The following EYS variants were observed in gnomAD, a reference collection of about 807,000 sequenced individuals.
The protein encoded by EYS is EGF-like photoreceptor maintenance factor.
EYS carries 250 observed loss-of-function variants against 282.1 expected under a neutral mutation model. The ratio of observed to expected loss-of-function variants is 0.89; its 90% CI spans 0.80 to 0.98. EYS has a LOEUF of 0.98. EYS is among the 50% of genes least tolerant of loss of function. EYS has a pLI of 0.00. For missense variants in EYS, 4,016 were observed against 3,709.0 expected (o/e 1.08, Z -2.15); for synonymous variants, 1,355 against 1,282.9 (o/e 1.06, Z -1.20).
At chr6:64,582,893 C>T (rs1383784900) in intron 26 of EYS, among the ~76,000 whole-genome samples, 2 of 152,030 alleles carry the variant, frequency 1.3e-5, no homozygotes, top group African/African-American at 4.8e-5. Flanking sequence ...AAGAAAATGC[C>T]AGGATTTTAC....
intron 41 of EYS, among the ~76,000 whole-genome samples, chr6:63,752,564 C>T (rs1011090696): frequency 6.7e-6 from 1 of 149,052 alleles, no homozygotes; most frequent in Non-Finnish European, 1.5e-5. Context: ...GCAATCTCGG[C>T]TCACTGCAAG....
At chr6:65,266,989 T>G (rs868807043) in intron 12 of EYS, among the ~76,000 whole-genome samples, 4,362 of 142,062 alleles carry the variant, frequency 0.031, 73 homozygotes, top group African/African-American at 0.047. Flanking sequence ...TATATATATA[T>G]AGAGAGAGAG....
chr6:64,816,886 A>T (rs961061506), intron 21 of EYS, among the ~76,000 whole-genome samples: 1 of 151,908 alleles, frequency 6.6e-6, no homozygotes, highest in East Asian at 1.9e-4. Flanking sequence ...AAAAAAGGAT[A>T]CTAATTAAAT....
At chr6:64,590,043 T>C (rs1766353984) in intron 26 of EYS, among the ~76,000 whole-genome samples, 180 bp downstream of exon 26, 1 of 152,136 alleles carries the variant, frequency 6.6e-6, no homozygotes, top group South Asian at 2.1e-4. Context: ...TTTGTGGCAG[T>C]GCATAAAGAA....
intron 13 of EYS, among the ~76,000 whole-genome samples, chr6:65,023,876 G>A (rs1311044841): frequency 6.6e-6 from 1 of 152,202 alleles, no homozygotes; most frequent in Non-Finnish European, 1.5e-5. Context: ...GAGAGAAGAT[G>A]CTGAATTCAA....
chr6:64,132,873 T>C (rs1230227004), intron 31 of EYS, among the ~76,000 whole-genome samples: 5 of 152,020 alleles, frequency 3.3e-5, no homozygotes, highest in Admixed American at 2.6e-4. Flanking sequence ...GTAACTATCA[T>C]AAATTTTTCA....
chr6:63,768,244 G>C (rs1247808127), intron 40 of EYS, among the ~76,000 whole-genome samples: 1 of 151,914 alleles, frequency 6.6e-6, no homozygotes, highest in African/African-American at 2.4e-5. Context: ...TTAAACCAAA[G>C]AGCTTCTGCA....
chr6:65,530,824 C>T (rs9453321), intron 2 of EYS, among the ~76,000 whole-genome samples: 60,435 of 151,828 alleles, frequency 0.4, 13,054 homozygotes, highest in African/African-American at 0.58. Flanking sequence ...TAGGGCCATT[C>T]GGTCTGCATA....
At chr6:65,205,764 A>C (rs1020136430) in intron 12 of EYS, among the ~76,000 whole-genome samples, 1 of 151,956 alleles carries the variant, frequency 6.6e-6, no homozygotes, top group African/African-American at 2.4e-5. Flanking sequence ...AGTACATATA[A>C]ACAAAACAAT....
At chr6:65,253,166 C>A (rs947926113) in intron 12 of EYS, among the ~76,000 whole-genome samples, 8 of 151,990 alleles carry the variant, frequency 5.3e-5, no homozygotes, top group African/African-American at 1.9e-4. Context: ...CAGAAGGAAG[C>A]TGCTGAAAGC....
chr6:64,430,342 C>A lies in EYS; in HGVS notation c.5927+5832G>T, dbSNP rs146302375. On this transcript the variant is annotated intron_variant, in intron 28 of 42. Transcript: ENST00000503581. The stretch of plus-strand genomic sequence containing the variant: ...CAATTTTTCATTCCTAGGCATTATG[C>A]GCCAGTACGCCGGGTGAATCCTGGA... 8.6e-3 allele frequency among the ~76,000 whole-genome samples: 1,314 copies of A among 152,152 alleles called. 27 individuals are homozygous for A. The highest frequency in any genetic ancestry group is 0.029 in the African/African-American group (1,205 of 41,512).
chr6:64,360,111 C>CAT lies in EYS; in HGVS notation c.6078+28577_6078+28578dup, dbSNP rs1332549676. 2.0e-5 allele frequency among the ~76,000 whole-genome samples: 3 copies of CAT among 151,662 alleles called. No individual in the cohort carries two copies. The East Asian group carries it at 5.9e-4, about 30-fold the overall frequency. On this transcript the variant is annotated intron_variant, in intron 29 of 42. Coordinates refer to ENST00000503581, the MANE Select transcript of EYS (RefSeq NM_001142800.2). Reference sequence around the variant, plus strand: ...AACTAAAACACTAAATATGTGAACACATTTATTGTACACGTTTACGTTCTC... The same window carrying CAT: ...AACTAAAACACTAAATATGTGAACACATATTTATTGTACACGTTTACGTTCTC...
intron 28 of EYS, among the ~76,000 whole-genome samples, chr6:64,430,781 G>C (rs1008207934): frequency 1.3e-5 from 2 of 152,050 alleles, no homozygotes; most frequent in Non-Finnish European, 2.9e-5. Context: ...GAAAGGGGTG[G>C]GATTTGCCAC....
At position 64,924,368 on chromosome 6, in the gene EYS, T is replaced by A. The variant is rs1583298096; in HGVS notation, c.2382-11625A>T. Among the ~76,000 whole-genome samples, 4 of 152,224 alleles carry A rather than the reference T, an allele frequency of 2.6e-5. No homozygotes were observed. In the South Asian group the frequency reaches 8.3e-4, roughly 32 times the overall value. ...CCTGGGCCCAGCCCACAAAACCATT[T>A]TTTGCTCCTGGGACTCCAGGGCTGT... On this transcript the variant is annotated intron_variant, in intron 15 of 42. Transcript: ENST00000503581.
At chr6:65,319,597 C>G (rs1769414602) in intron 11 of EYS, among the ~76,000 whole-genome samples, 1 of 152,070 alleles carries the variant, frequency 6.6e-6, no homozygotes, top group Admixed American at 6.6e-5. Context: ...GATGTCCAAA[C>G]AGGAGTTTAA....
intron 22 of EYS, among the ~76,000 whole-genome samples, chr6:64,806,100 T>C (rs1356950957): frequency 6.6e-6 from 1 of 151,694 alleles, no homozygotes; most frequent in Non-Finnish European, 1.5e-5. Context: ...AATTTGAATC[T>C]CTCCATGTTG....
intron 5 of EYS, among the ~76,000 whole-genome samples, chr6:65,481,369 G>A (rs1765601243): frequency 1.3e-5 from 2 of 152,020 alleles, no homozygotes; most frequent in African/African-American, 4.8e-5. Context: ...GCTTTATTAA[G>A]CATTCAGCTC....
At chr6:64,865,553 A>G (rs2150051027) in intron 19 of EYS, among the ~76,000 whole-genome samples, 1 of 152,302 alleles carries the variant, frequency 6.6e-6, no homozygotes, top group South Asian at 2.1e-4. Context: ...ATATTGAAAA[A>G]GTTGTCAGTG....
intron 22 of EYS, among the ~76,000 whole-genome samples, chr6:64,659,777 A>T (rs10944673): frequency 6.6e-6 from 1 of 151,642 alleles, no homozygotes; most frequent in African/African-American, 2.4e-5. Context: ...GCAGGACCAG[A>T]TGGATTCACA....
Sources: gnomAD v4.1 joint callset for allele counts (sites outside exome capture counted in the v4.1 genomes callset) on GRCh38, gnomAD v4.1.1 for gene constraint, MANE v1.5 for transcripts, NCBI Gene and HGNC (gene_info 2026-07-23, HGNC 2026-07-21) for gene names.